AURKA: variants seen among roughly 807,000 people sequenced by gnomAD.
AURKA encodes aurora kinase A, also known as aurora 2.
A neutral mutation model predicts 40.9 loss-of-function variants in AURKA; 12 were observed. The ratio of observed to expected loss-of-function variants is 0.29; its 90% CI spans 0.19 to 0.48. The LOEUF (loss-of-function observed/expected upper bound fraction) is 0.48. Among genes scored for constraint, AURKA ranks in the 20% least tolerant of loss-of-function variants. The pLI, the probability that AURKA is intolerant of heterozygous loss-of-function variation, is 0.99. For synonymous variants in AURKA, 170 were observed against 164.3 expected (o/e 1.03, Z -0.26); for missense variants, 322 against 462.1 (o/e 0.70, Z 2.78).
intron 6 of AURKA, among the ~76,000 whole-genome samples, chr20:56,379,086 T>C (rs908457975): frequency 2.6e-5 from 4 of 152,182 alleles, no homozygotes; most frequent in Non-Finnish European, 5.9e-5. Context: ...AAAAATCTCA[T>C]TGCATTACAA....
chr20:56,372,949 A>G (rs1317644019), intron 7 of AURKA, among the ~76,000 whole-genome samples: 1 of 152,204 alleles, frequency 6.6e-6, no homozygotes, highest in African/African-American at 2.4e-5. Flanking sequence ...CTGCCCTCAA[A>G]GCACCACCAA....
intron 2 of AURKA, 84 bp from the exon 3 acceptor site, chr20:56,386,617 T>C: frequency 1.3e-6 from 2 of 1,482,774 alleles, no homozygotes; most frequent in South Asian, 2.3e-5. Flanking sequence ...GTTTGTTCTC[T>C]AGTATAGCAA....
At chr20:56,384,461 TA>T (rs2146196864) in intron 3 of AURKA, 137 bp from the exon 4 acceptor site, 12 of 688,346 alleles carry the variant, frequency 1.7e-5, no homozygotes, top group East Asian at 8.5e-5. Flanking sequence ...TTTTTTTTTT[TA>T]AAGTTTTCCT....
In AURKA at chr20:56,384,182, T is replaced by C. The variant is rs1044259328; in HGVS notation, c.374+88A>G. On this transcript the variant is annotated intron_variant, in intron 4 of 8. Transcript: ENST00000395915. ...CTAAATGCAAATAAAGGCCTCATTT[T>C]TTTCCCCAGAGTTCCCACAACGAAA... The C allele has an allele frequency of 5.7e-6, 6 of 1,056,070 alleles. No homozygotes were observed. In the East Asian group the frequency reaches 1.2e-4, roughly 21 times the overall value. 65.4% of individuals were successfully genotyped at this position (1,056,070 alleles called of 1,614,324 possible).
In AURKA at chr20:56,373,704, A is replaced by C; in HGVS notation, c.706-148T>G. ...AGTGGCTCACACCTATAATCCCAAC[A>C]CTTTGGGGGACTGAGGTGGGAGGAT... On this transcript the variant is annotated intron_variant, in intron 6 of 8. Transcript: ENST00000395915. This position sits in a 1 kb window ranked among gnomAD's most constrained non-coding sequence, Gnocchi z 5.0. The C allele has an allele frequency of 1.2e-6, 1 of 868,864 alleles. No homozygotes were observed. The highest frequency in any genetic ancestry group is 1.8e-6 in the Non-Finnish European group (1 of 558,678). 53.8% of individuals were successfully genotyped at this position (868,864 alleles called of 1,614,324 possible). A position where few individuals can be genotyped will look rare whatever the true frequency, so the allele number is the denominator to read the frequency against.
At position 56,384,369 on chromosome 20, in the gene AURKA, G is replaced by A. The variant is rs760862090; in HGVS notation, c.320-45C>T. The A allele has an allele frequency of 1.3e-5, 19 of 1,426,272 alleles. 1 individual carries two copies. In the East Asian group the frequency reaches 2.5e-4, roughly 19 times the overall value. 88.4% of individuals were successfully genotyped at this position (1,426,272 alleles called of 1,614,324 possible). On this transcript the variant is annotated intron_variant, in intron 3 of 8. Coordinates refer to ENST00000395915, the MANE Select transcript of AURKA (RefSeq NM_198437.3). ...AACCTGTTTTTAGAATAACTATATA[G>A]GATAAGCTAAGCTGTGAATAGAGGT...
intron 6 of AURKA, among the ~76,000 whole-genome samples, chr20:56,378,297 A>T (rs987137094): frequency 6.6e-6 from 1 of 152,194 alleles, no homozygotes; most frequent in Admixed American, 6.5e-5. Context: ...CCCCACGGAA[A>T]CCAACTTTAT....
At position 56,373,913 on chromosome 20, in the gene AURKA, G is replaced by C. The variant is rs1164596091; in HGVS notation, c.706-357C>G. Among the ~76,000 whole-genome samples, 4 of 152,148 alleles carry C rather than the reference G, an allele frequency of 2.6e-5. No individual in the cohort carries two copies. The highest frequency in any genetic ancestry group is 9.7e-5 in the African/African-American group (4 of 41,414). On this transcript the variant is annotated intron_variant, in intron 6 of 8. Coordinates refer to ENST00000395915, the MANE Select transcript of AURKA (RefSeq NM_198437.3). This position sits in a 1 kb window ranked among gnomAD's most constrained non-coding sequence, Gnocchi z 5.0. ...TGCAGTGAGCCATGATCACACTTCA[G>C]CCTGGGTGACAGAAGGAGACCCTGT...
At chr20:56,378,178 A>C (rs1043434622) in intron 6 of AURKA, among the ~76,000 whole-genome samples, 1 of 152,116 alleles carries the variant, frequency 6.6e-6, no homozygotes, top group African/African-American at 2.4e-5. Flanking sequence ...CAAAAATCCA[A>C]AACACTGACA....
At chr20:56,377,742 G>A (rs943445939) in intron 6 of AURKA, among the ~76,000 whole-genome samples, 1 of 151,664 alleles carries the variant, frequency 6.6e-6, no homozygotes. Context: ...AGCCAAAATC[G>A]CACCACTACA....
intron 1 of AURKA, among the ~76,000 whole-genome samples, chr20:56,391,323 C>T (rs145403716): frequency 2.6e-5 from 4 of 152,362 alleles, no homozygotes; most frequent in Non-Finnish European, 5.9e-5. Context: ...GAGTTAAGGA[C>T]AGTGGCTACG....
Position 56,369,601 on chromosome 20 carries a change from C to A in AURKA, c.*557G>T. On this transcript the variant is annotated 3_prime_UTR_variant, in exon 9 of 9. Transcript: ENST00000395915. ...AGGAGGACTAGAAACCCAATCAGGC[C>A]TACCGGGGTGCCGGACAGACACACA... The A allele has an allele frequency of 3.8e-6, 1 of 262,252 alleles. No individual in the cohort carries two copies. Among genetic ancestry groups the A allele is most frequent in the Non-Finnish European group, 7.5e-6 (1 of 133,878 alleles). The allele number at this position is 262,252 out of a possible 1,614,324, so 16.2% of individuals were successfully genotyped here.
At chr20:56,387,354 A>T (rs1014173295) in intron 2 of AURKA, among the ~76,000 whole-genome samples, 2 of 152,188 alleles carry the variant, frequency 1.3e-5, no homozygotes, top group Non-Finnish European at 2.9e-5. Context: ...GGGTTTCACC[A>T]TCTTGGCCAG....
intron 8 of AURKA, 65 bp downstream of exon 8, chr20:56,370,420 G>A (rs779504898): frequency 2.9e-5 from 46 of 1,613,580 alleles, no homozygotes; most frequent in Non-Finnish European, 3.8e-5. Flanking sequence ...ATCTTGGCCT[G>A]CAGTTCAGGC....
At chr20:56,380,545 G>C (rs1985582514) in intron 6 of AURKA, among the ~76,000 whole-genome samples, 1 of 152,100 alleles carries the variant, frequency 6.6e-6, no homozygotes, top group Non-Finnish European at 1.5e-5. Context: ...CAGAATTCCA[G>C]ATAATTTATG....
chr20:56,380,205 A>C (rs1482321499), intron 6 of AURKA, among the ~76,000 whole-genome samples: 3 of 151,158 alleles, frequency 2.0e-5, no homozygotes, highest in Non-Finnish European at 4.4e-5. Flanking sequence ...AAATACAAAA[A>C]TTAGCCAGGT....
In AURKA at chr20:56,373,456, T is replaced by A. The variant is rs925746484; in HGVS notation, c.806A>T (p.Glu269Val). ...CCACCCAAAATCTGCAATTTTAAGC[T>A]CTCCAGCTGATCCAAGAAGTAAGTT... The part of the protein sequence containing the change: ...PENLLLGSAG[E>V]LKIADFGWSV... Residue 269 changes from glutamate to valine, a missense_variant, in exon 7 of 9, where the codon GAG (glutamate) becomes GTG (valine). Coordinates refer to ENST00000395915, the MANE Select transcript of AURKA (RefSeq NM_198437.3). This position sits in a 1 kb window ranked among gnomAD's most constrained non-coding sequence, Gnocchi z 5.0. 8 of 1,614,004 alleles carry A rather than the reference T, an allele frequency of 5.0e-6. No homozygotes were observed. Among genetic ancestry groups the A allele is most frequent in the Non-Finnish European group, 5.9e-6 (7 of 1,180,040 alleles).
chr20:56,384,064 C>T (rs1017718407), intron 4 of AURKA, among the ~76,000 whole-genome samples: 18 of 152,256 alleles, frequency 1.2e-4, no homozygotes, highest in African/African-American at 4.1e-4. Flanking sequence ...ATTTGAAAGC[C>T]ATTTTTTAAA....
chr20:56,381,692 C>T, intron 5 of AURKA, 121 bp from the exon 6 acceptor site: 2 of 1,230,548 alleles, frequency 1.6e-6, no homozygotes, highest in Admixed American at 3.8e-5. Context: ...ACACTCCAAA[C>T]CCCACTTTAG....
Sources: gnomAD v4.1 joint callset for allele counts (sites outside exome capture counted in the v4.1 genomes callset) on GRCh38, gnomAD v4.1.1 for gene constraint, Gnocchi (gnomAD v3.1) non-coding constraint, MANE v1.5 for transcripts, NCBI Gene and HGNC (gene_info 2026-07-23, HGNC 2026-07-21) for gene names.